Variants in LYST observed in about 807,000 individuals in gnomAD.
LYST encodes the protein lysosomal-trafficking regulator.
A neutral mutation model predicts 413.6 loss-of-function variants in LYST; 192 were observed. That is an observed-to-expected ratio of 0.46 (90% CI 0.41 to 0.52). The LOEUF (loss-of-function observed/expected upper bound fraction) is 0.52. LYST is among the 20% of genes least tolerant of loss of function. The probability of loss-of-function intolerance (pLI) is 0.00; values close to 1 mark genes in which losing one functional copy is unlikely to be tolerated. For missense variants in LYST, 3,815 were observed against 4,499.9 expected, an observed-to-expected ratio of 0.85 and a Z score of 4.35; for synonymous variants, 1,525 against 1,567.3, an observed-to-expected ratio of 0.97 and a Z score of 0.64.
intron 19 of LYST, among the ~76,000 whole-genome samples, chr1:235,771,870 C>T (rs1171981220): frequency 6.8e-6 from 1 of 146,894 alleles, no homozygotes; most frequent in Non-Finnish European, 1.5e-5. Context: ...CATATTTGAA[C>T]TAAACTTATT....
At chr1:235,782,217 T>G in intron 14 of LYST, 130 bp from the exon 15 acceptor site, 1 of 800,018 alleles carries the variant, frequency 1.2e-6, no homozygotes, top group Non-Finnish European at 1.9e-6. Flanking sequence ...CTCGCTCTGT[T>G]GCCCAGGTTG....
chr1:235,822,576 T>C (rs1674873017), intron 3 of LYST, among the ~76,000 whole-genome samples: 1 of 152,138 alleles, frequency 6.6e-6, no homozygotes, highest in African/African-American at 2.4e-5. Context: ...AATTCAACCC[T>C]GAGGTCATGA....
At chr1:235,689,438 A>C (rs191757120) in intron 47 of LYST, among the ~76,000 whole-genome samples, 127 of 152,288 alleles carry the variant, frequency 8.3e-4, no homozygotes, top group African/African-American at 2.9e-3. Context: ...TGTGGAATCT[A>C]AAAAAAGCTG....
At chr1:235,788,267 C>A (rs1212559973) in intron 13 of LYST, among the ~76,000 whole-genome samples, 2 of 152,168 alleles carry the variant, frequency 1.3e-5, no homozygotes, top group Non-Finnish European at 2.9e-5. Context: ...TCAAGTGATA[C>A]TCCTGCTTCA....
rs753409649 is a variant in LYST at position 235,809,732 on chromosome 1, T to G, written c.1086A>C (p.Lys362Asn). ...GCTGCTTTTCTAGGCATATTCTAAT[T>G]TTTAAAGCTGCTCTAAGCAATTCAG... Reference protein sequence around the residue: ...NLTELLRAALKIRICLEKQPD... With the variant: ...NLTELLRAALNIRICLEKQPD... Residue 362 changes from lysine to asparagine, a missense_variant, in exon 5 of 53, where the codon AAA becomes AAC. Coordinates refer to ENST00000389793, the MANE Select transcript of LYST (RefSeq NM_000081.4). The surrounding 1 kb of genome is among the most constrained non-coding windows in gnomAD (Gnocchi z 4.0). 6.2e-7 allele frequency: 1 copy of G among 1,613,920 alleles called. No individual in the cohort carries two copies. Among genetic ancestry groups the G allele is most frequent in the Non-Finnish European group, 8.5e-7 (1 of 1,179,886 alleles).
At chr1:235,820,572 T>C (rs139859828) in intron 3 of LYST, among the ~76,000 whole-genome samples, 34 of 152,056 alleles carry the variant, frequency 2.2e-4, no homozygotes, top group Admixed American at 1.8e-3. Context: ...GGTTTTGCCA[T>C]GTTGCCTAGG....
chr1:235,805,500 A>C (rs2102856513), intron 6 of LYST, among the ~76,000 whole-genome samples: 1 of 152,156 alleles, frequency 6.6e-6, no homozygotes, highest in East Asian at 1.9e-4. Flanking sequence ...TTCAACTTTG[A>C]AACACAATAT....
chr1:235,680,172 G>A (rs1205235045), intron 48 of LYST, among the ~76,000 whole-genome samples: 3 of 151,834 alleles, frequency 2.0e-5, no homozygotes, highest in Non-Finnish European at 4.4e-5. Flanking sequence ...ACTCTTCATC[G>A]TTTCAGGGGA....
chr1:235,862,167 G>C (rs572810936), intron 1 of LYST, among the ~76,000 whole-genome samples: 13 of 152,326 alleles, frequency 8.5e-5, no homozygotes, highest in African/African-American at 3.1e-4. Flanking sequence ...GATATGATAT[G>C]ATATGACTGA....
chr1:235,782,153 A>G, intron 14 of LYST, 66 bp from the exon 15 acceptor site: 1 of 1,355,678 alleles, frequency 7.4e-7, no homozygotes, highest in Non-Finnish European at 1.0e-6. Flanking sequence ...GTATTTTTAA[A>G]GTATGAATAT....
chr1:235,665,033 ATC>A (rs1658315070), intron 50 of LYST, among the ~76,000 whole-genome samples: 1 of 152,110 alleles, frequency 6.6e-6, no homozygotes, highest in Admixed American at 6.5e-5. Flanking sequence ...ACCTCAAGTG[ATC>A]AGCCCACCTC....
intron 31 of LYST, chr1:235,737,926 TCA>T: frequency 8.2e-7 from 1 of 1,213,248 alleles, no homozygotes; most frequent in Non-Finnish European, 1.0e-6. Context: ...AGTCTGGATC[TCA>T]CTGCCGCGTG....
At chr1:235,708,121 A>G (rs1662127856) in intron 44 of LYST, among the ~76,000 whole-genome samples, 1 of 152,168 alleles carries the variant, frequency 6.6e-6, no homozygotes, top group African/African-American at 2.4e-5. Flanking sequence ...AGATTATCTT[A>G]TTTAGGGAGA....
At chr1:235,717,696 T>C (rs574967110) in intron 40 of LYST, among the ~76,000 whole-genome samples, 2 of 148,886 alleles carry the variant, frequency 1.3e-5, no homozygotes, top group African/African-American at 5.2e-5. Context: ...CTTAACCACA[T>C]GTTGATACAT....
chr1:235,729,269 G>A lies in LYST; in HGVS notation c.9106+327C>T, dbSNP rs542833213. ...ATGGACAGTTATATCTGATAAAATA[G>A]TAGGTAAGATATCAACAATTTTTCA... On this transcript the variant is annotated intron_variant, in intron 37 of 52. Coordinates refer to ENST00000389793, the MANE Select transcript of LYST (RefSeq NM_000081.4). Among the ~76,000 whole-genome samples the A allele has an allele frequency of 6.6e-4, 101 of 152,070 alleles. 1 individual carries two copies. The highest frequency in any genetic ancestry group is 1.3e-3 in the Non-Finnish European group (86 of 68,004).
chr1:235,738,797 T>C lies in LYST; in HGVS notation c.8358+2625A>G, dbSNP rs578235329. 40 of 935,880 alleles carry C rather than the reference T, an allele frequency of 4.3e-5. 2 individuals are homozygous for C. In the African/African-American group the frequency reaches 4.5e-4, roughly 11 times the overall value. 58.0% of individuals were successfully genotyped at this position (935,880 alleles called of 1,614,324 possible). A position where few individuals can be genotyped will look rare whatever the true frequency, so the allele number is the denominator to read the frequency against. Reference sequence around the variant, plus strand: ...ATTTGGCAGAAAGTATAATGAAGAATCTTAGGCGGGTGCACCCAATTTCCA... The same window carrying C: ...ATTTGGCAGAAAGTATAATGAAGAACCTTAGGCGGGTGCACCCAATTTCCA... On this transcript the variant is annotated intron_variant, in intron 31 of 52. Transcript: ENST00000389793.
rs764978673 is a variant in LYST, at chr1:235,662,953, T to C, written c.11393A>G (p.Tyr3798Cys). Residue 3798 changes from tyrosine (Y) to cysteine (C), a missense_variant, in exon 53 of 53, where the codon TAT becomes TGT. Around this residue, in one of 4 missense-constraint regions of LYST, gnomAD observed 866 missense variants for 1,156.0 expected, o/e 0.75. Transcript: ENST00000389793. ...GTTCATTCGCATTCACCCGGCTGCA[T>C]AGCTGCTAAGGAAGGAATAGAACAT... Reference protein sequence around the residue: ...QPMFYSFLSSYAAG With the variant: ...QPMFYSFLSSCAAG 3 of 1,581,070 alleles carry C rather than the reference T, an allele frequency of 1.9e-6. No homozygotes were observed. Among genetic ancestry groups the C allele is most frequent in the East Asian group, 4.5e-5 (2 of 44,736 alleles).
intron 1 of LYST, among the ~76,000 whole-genome samples, chr1:235,861,794 G>A (rs931707559): frequency 7.9e-5 from 12 of 152,100 alleles, no homozygotes; most frequent in Middle Eastern, 3.2e-3. Context: ...TCCTGGCTTC[G>A]GAGACTGATA....
At chr1:235,738,121 T>C (rs1236903474) in intron 31 of LYST, 2 of 1,608,294 alleles carry the variant, frequency 1.2e-6, no homozygotes, top group African/African-American at 2.7e-5. Context: ...GGTATCTTAA[T>C]GAAGGACTTG....
Sources: allele counts gnomAD v4.1 joint callset (sites outside exome capture counted in the v4.1 genomes callset), GRCh38; gene constraint gnomAD v4.1.1; regional missense constraint gnomAD v4.1.1; non-coding constraint Gnocchi (gnomAD v3.1); transcripts MANE v1.5; gene names NCBI Gene and HGNC (gene_info 2026-07-23, HGNC 2026-07-21).